The following DNAH12 variants were observed in gnomAD, a reference collection of about 807,000 sequenced individuals.
The protein encoded by DNAH12 is axonemal beta dynein heavy chain 12.
A neutral mutation model predicts 371.5 loss-of-function variants in DNAH12; 285 were observed. The ratio of observed to expected loss-of-function variants is 0.77; its 90% CI spans 0.70 to 0.85. The LOEUF (loss-of-function observed/expected upper bound fraction) is 0.85, where lower values mean the gene tolerates loss of function less well. DNAH12 is among the 40% of genes least tolerant of loss of function. The pLI is 0.00. For missense variants in DNAH12, 3,611 were observed against 3,689.4 expected (o/e 0.98, Z 0.55); for synonymous variants, 1,200 against 1,213.0 (o/e 0.99, Z 0.22).
intron 15 of DNAH12, among the ~76,000 whole-genome samples, chr3:57,471,234 A>T (rs532969583): frequency 6.6e-5 from 10 of 151,866 alleles, no homozygotes; most frequent in Non-Finnish European, 1.5e-4. Context: ...CATGCCTGTT[A>T]GTCCCAGCTA....
In DNAH12 at chr3:57,415,618, T is replaced by C. The variant is rs144076336; in HGVS notation, c.5715-54A>G. The C allele has an allele frequency of 2.2e-4, 324 of 1,484,862 alleles. No homozygotes were observed. In the African/African-American group the frequency reaches 3.9e-3, roughly 18 times the overall value. 92.0% of individuals were successfully genotyped at this position (1,484,862 alleles called of 1,614,324 possible). ...AAAATGGAAAAAAAGTCAGAATACA[T>C]TTCTACTAAAGGAGGCGGTAGTTAA... On this transcript the variant is annotated intron_variant, in intron 37 of 73. Coordinates refer to ENST00000495027, the MANE Select transcript of DNAH12 (RefSeq NM_001366028.2).
upstream of DNAH12, among the ~76,000 whole-genome samples, chr3:57,546,455 C>T (rs1289594728): frequency 1.3e-5 from 2 of 152,136 alleles, no homozygotes; most frequent in Non-Finnish European, 2.9e-5. Context: ...GATCCTCCCA[C>T]CTTAGCCTCC....
chr3:57,376,627 T>C (rs896301090), intron 53 of DNAH12, among the ~76,000 whole-genome samples: 185 of 152,280 alleles, frequency 1.2e-3, no homozygotes, highest in Admixed American at 5.0e-3. Context: ...TAACATAAAA[T>C]TTAACCAATG....
chr3:57,363,643 A>C lies in DNAH12; in HGVS notation c.9311T>G (p.Val3104Gly), dbSNP rs2062986806. The C allele has an allele frequency of 6.6e-6, 1 of 152,076 alleles. No homozygotes were observed. The highest frequency in any genetic ancestry group is 2.4e-5 in the African/African-American group (1 of 41,436). 9.4% of individuals were successfully genotyped at this position (152,076 alleles called of 1,614,324 possible). ...NILEDESAIK[V>G]LDSAKMMSNE... ...GGACATCATTTTGGCAGAGTCTAAG[A>C]CTTTAATTGCACTTTCATCTTCTAA... Residue 3104 changes from valine to glycine, a missense_variant, in exon 58 of 74, where the codon GTC (valine) becomes GGC (glycine). Physicochemically the swap from Val to Gly is moderately radical, Grantham distance 109. This residue lies in a region of DNAH12 where 2,266 missense variants were observed against 2,236.9 expected (regional missense o/e 1.01). Transcript: ENST00000495027.
upstream of DNAH12, among the ~76,000 whole-genome samples, chr3:57,544,752 C>T (rs2069445806): frequency 6.6e-6 from 1 of 152,110 alleles, no homozygotes; most frequent in Non-Finnish European, 1.5e-5. Context: ...CACAGCACTT[C>T]CAGGAATTCT....
intron 2 of DNAH12, chr3:57,530,569 C>G: frequency 1.5e-6 from 1 of 670,508 alleles, no homozygotes; most frequent in South Asian, 1.6e-5. Flanking sequence ...TTTAAAATCT[C>G]TTCCTCCTCA....
Position 57,542,750 on chromosome 3 carries a change from G to C in DNAH12, c.121C>G (p.Leu41Val), listed in dbSNP as rs770668660. ...TGCTCCTTGGATCTTCTGTATTTTA[G>C]CAGCTTACTTTGTGTTGGTGTATCA... ...GVDTPTQSKLLKYRRSKEQQQ... is the reference protein window; with the variant it reads ...GVDTPTQSKLVKYRRSKEQQQ... Residue 41 changes from leucine (L) to valine (V), a missense_variant, in exon 2 of 74, where the codon CTA (leucine) becomes GTA (valine). By Grantham distance (32) the Leu-to-Val change is conservative (BLOSUM62 1). This residue lies in a region of DNAH12 where 1,314 missense variants were observed against 1,398.7 expected (regional missense o/e 0.94). Coordinates refer to ENST00000495027, the MANE Select transcript of DNAH12 (RefSeq NM_001366028.2). The C allele has an allele frequency of 4.3e-5, 69 of 1,609,216 alleles. No individual in the cohort carries two copies. In the East Asian group the frequency reaches 1.5e-3, roughly 35 times the overall value.
At chr3:57,339,087 G>T (rs1010932494) in intron 60 of DNAH12, among the ~76,000 whole-genome samples, 2 of 152,032 alleles carry the variant, frequency 1.3e-5, no homozygotes, top group Non-Finnish European at 1.5e-5. Context: ...CCCCAACCCC[G>T]TGCTCTCTGA....
intron 43 of DNAH12, among the ~76,000 whole-genome samples, chr3:57,396,662 T>C (rs2063748432): frequency 9.2e-5 from 14 of 152,182 alleles, no homozygotes; most frequent in Non-Finnish European, 4.4e-5. Flanking sequence ...TACAGGTGCA[T>C]TCCACTACAA....
chr3:57,406,488 T>A (rs1343633618), intron 40 of DNAH12, among the ~76,000 whole-genome samples: 1 of 152,314 alleles, frequency 6.6e-6, no homozygotes, highest in East Asian at 1.9e-4. Context: ...GGGAACTTAA[T>A]ATCCGATTCC....
chr3:57,466,839 C>T (rs1192371816), intron 17 of DNAH12, among the ~76,000 whole-genome samples: 5 of 151,910 alleles, frequency 3.3e-5, no homozygotes, highest in Admixed American at 1.3e-4. Flanking sequence ...TCAAACTCCT[C>T]GGCTTAAGTG....
rs1410246352 is a variant in DNAH12, at chr3:57,322,391, A to G, written c.10476T>C (p.Asp3492=). The stretch of plus-strand genomic sequence containing the variant: ...TGAAAAACTCAGGATCAGAAACTGG[A>G]TCAGTGAGATATGATTGAAGGAGAT... The part of the protein sequence containing the change: ...RLNLLQSYLT[D]PVSDPEFFKG... The change falls in exon 65 of 74, where the codon GAT becomes GAC. Residue 3492 remains aspartate, a synonymous_variant. Coordinates refer to ENST00000495027, the MANE Select transcript of DNAH12 (RefSeq NM_001366028.2). 6.4e-7 allele frequency: 1 copy of G among 1,552,046 alleles called. No individual in the cohort carries two copies. The highest frequency in any genetic ancestry group is 2.4e-5 in the East Asian group (1 of 40,920).
At chr3:57,484,912 C>A (rs1309766285) in intron 12 of DNAH12, among the ~76,000 whole-genome samples, 1 of 151,546 alleles carries the variant, frequency 6.6e-6, no homozygotes, top group African/African-American at 2.4e-5. Flanking sequence ...AAGAAGACAG[C>A]CAAAAAAACC....
intron 60 of DNAH12, among the ~76,000 whole-genome samples, chr3:57,338,013 CTCTCTCTCT>C (rs1302686660): frequency 1.3e-5 from 2 of 152,050 alleles, no homozygotes; most frequent in African/African-American, 2.4e-5. Flanking sequence ...CGCTCTCCCT[CTCTCTCTCT>C]TCTCTCTCTT....
Position 57,375,503 on chromosome 3 carries a change from G to A in DNAH12, c.8627C>T (p.Pro2876Leu), listed in dbSNP as rs1396815542. Residue 2876 changes from proline (P) to leucine (L), a missense_variant, in exon 55 of 74, where the codon CCG (proline) becomes CTG (leucine). Transcript: ENST00000495027. ...WSMLCKKKKI[P>L]CSEEFLLSKT... ...ACTCAACAAGAACTCCTCTGAACAC[G>A]GGATTTTTTTCTTCTGTAAGAAATA... is the stretch of plus-strand genomic sequence containing the variant. 2.0e-4 allele frequency: 31 copies of A among 152,044 alleles called. No individual in the cohort carries two copies. In the South Asian group the frequency reaches 2.5e-3, roughly 12 times the overall value. 9.4% of individuals were successfully genotyped at this position (152,044 alleles called of 1,614,324 possible).
At chr3:57,310,125 C>T (rs911282803) in intron 67 of DNAH12, among the ~76,000 whole-genome samples, 1 of 152,184 alleles carries the variant, frequency 6.6e-6, no homozygotes, top group African/African-American at 2.4e-5. Flanking sequence ...ACAGAACTGG[C>T]ACTGAGATGA....
At chr3:57,456,458 A>T (rs1401247017) in intron 22 of DNAH12, among the ~76,000 whole-genome samples, 1 of 152,234 alleles carries the variant, frequency 6.6e-6, no homozygotes, top group Admixed American at 6.5e-5. Context: ...ATACGTGTTT[A>T]TCATTCAAGA....
Position 57,405,916 on chromosome 3 carries a change from G to C in DNAH12, c.6313C>G (p.Pro2105Ala), listed in dbSNP as rs1553681065. 6.5e-7 allele frequency: 1 copy of C among 1,547,484 alleles called. No individual in the cohort carries two copies. The highest frequency in any genetic ancestry group is 2.5e-5 in the East Asian group (1 of 40,792). ...KQSVENLLPTPTKSHYTFNLR... is the reference protein window; with the variant it reads ...KQSVENLLPTATKSHYTFNLR... ...TTGAAAGTATAATGGGATTTTGTGGGAGTGGGTAAAAGATTTTCCACAGAT... is the reference window on the plus strand; with the variant it reads ...TTGAAAGTATAATGGGATTTTGTGGCAGTGGGTAAAAGATTTTCCACAGAT... Residue 2105 changes from proline to alanine, a missense_variant, in exon 41 of 74, where the codon CCC becomes GCC. Physicochemically the swap from Pro to Ala is conservative, Grantham distance 27 (BLOSUM62 -1). Around this residue, in one of 3 missense-constraint regions of DNAH12, gnomAD observed 2,266 missense variants for 2,236.9 expected, o/e 1.01. Transcript: ENST00000495027.
At chr3:57,319,424 G>C (rs1022970657) in intron 65 of DNAH12, among the ~76,000 whole-genome samples, 8 of 152,174 alleles carry the variant, frequency 5.3e-5, no homozygotes, top group African/African-American at 1.9e-4. Context: ...AGAAGTAGAA[G>C]GAGTGGGCTT....
Sources: gnomAD v4.1 joint callset for allele counts (sites outside exome capture counted in the v4.1 genomes callset) on GRCh38, gnomAD v4.1.1 for gene constraint, gnomAD v4.1.1 regional missense constraint, MANE v1.5 for transcripts, NCBI Gene and HGNC (gene_info 2026-07-23, HGNC 2026-07-21) for gene names.